Variants in MTMR2 observed in about 807,000 individuals in gnomAD.
MTMR2 encodes myotubularin related protein 2.
A neutral mutation model predicts 86.9 loss-of-function variants in MTMR2; 55 were observed. The ratio of observed to expected loss-of-function variants is 0.63; its 90% CI spans 0.51 to 0.79. MTMR2 has a LOEUF of 0.79. Among genes scored for constraint, MTMR2 ranks in the 30% least tolerant of loss-of-function variants. The pLI is 0.00. For missense variants in MTMR2, 659 were observed against 772.3 expected (o/e 0.85, Z 1.74); for synonymous variants, 241 against 266.8 (o/e 0.90, Z 0.94).
intron 10 of MTMR2, among the ~76,000 whole-genome samples, chr11:95,845,882 TAAAAAAAAAAA>T (rs201863810): frequency 1.1e-5 from 1 of 90,100 alleles, no homozygotes; most frequent in African/African-American, 5.2e-5. Flanking sequence ...TATGGTATCT[TAAAAAAAAAAA>T]AAAAAAAAAA....
At chr11:95,913,383 T>C (rs1209877183) in intron 1 of MTMR2, among the ~76,000 whole-genome samples, 1 of 152,144 alleles carries the variant, frequency 6.6e-6, no homozygotes, top group Non-Finnish European at 1.5e-5. Context: ...TTGGGGTAAA[T>C]TATTAGAGTT....
intron 2 of MTMR2, among the ~76,000 whole-genome samples, chr11:95,870,290 T>G (rs1014501460): frequency 6.6e-6 from 1 of 152,092 alleles, no homozygotes; most frequent in African/African-American, 2.4e-5. Flanking sequence ...GTTCAGAAAT[T>G]TTTATAATAA....
At chr11:95,852,891 C>T (rs1262027732) in intron 7 of MTMR2, among the ~76,000 whole-genome samples, 2 of 151,858 alleles carry the variant, frequency 1.3e-5, no homozygotes, top group Non-Finnish European at 2.9e-5. Flanking sequence ...AAAACTTAGC[C>T]AGAAATGGTG....
chr11:95,921,701 A>T (rs1302292321), intron 1 of MTMR2, among the ~76,000 whole-genome samples: 2 of 152,208 alleles, frequency 1.3e-5, no homozygotes, highest in Non-Finnish European at 2.9e-5. Context: ...AGTAGACATT[A>T]AGTAAATGTT....
intron 1 of MTMR2, among the ~76,000 whole-genome samples, chr11:95,917,281 T>C (rs1866743743): frequency 6.6e-6 from 1 of 152,214 alleles, no homozygotes; most frequent in Non-Finnish European, 1.5e-5. Context: ...ATCTGGAGAA[T>C]TTCCATTACT....
intron 5 of MTMR2, among the ~76,000 whole-genome samples, chr11:95,861,131 C>G (rs1244022724): frequency 2.2e-5 from 3 of 134,750 alleles, no homozygotes; most frequent in African/African-American, 8.5e-5. Context: ...GCCTGGGCAA[C>G]AGAGCGAGAC....
At chr11:95,923,535 G>A (rs1867011367) in intron 1 of MTMR2, among the ~76,000 whole-genome samples, 1 of 152,016 alleles carries the variant, frequency 6.6e-6, no homozygotes, top group Admixed American at 6.6e-5. Flanking sequence ...AGGAAATGTG[G>A]GGAAAAGAAT....
intron 5 of MTMR2, among the ~76,000 whole-genome samples, chr11:95,859,585 G>C (rs1210441201): frequency 6.6e-6 from 1 of 152,136 alleles, no homozygotes; most frequent in Non-Finnish European, 1.5e-5. Flanking sequence ...TAAATGCATT[G>C]ATTGATACTT....
At chr11:95,913,837 C>T (rs572136954) in intron 1 of MTMR2, among the ~76,000 whole-genome samples, 1 of 152,036 alleles carries the variant, frequency 6.6e-6, no homozygotes, top group African/African-American at 2.4e-5. Context: ...AAGAAACATA[C>T]AAAACAGTAG....
chr11:95,837,433 G>A (rs77664176), intron 13 of MTMR2, among the ~76,000 whole-genome samples: 119 of 152,100 alleles, frequency 7.8e-4, no homozygotes, highest in African/African-American at 2.7e-3. Flanking sequence ...AATAAAAGTT[G>A]ATGCAGAGGG....
chr11:95,847,357 C>T (rs560238311), intron 10 of MTMR2, among the ~76,000 whole-genome samples: 16 of 152,146 alleles, frequency 1.1e-4, no homozygotes, highest in South Asian at 4.2e-4. Flanking sequence ...ACAAAGTACA[C>T]GCTAGTTCCT....
In MTMR2 at chr11:95,847,743, C is replaced by T; in HGVS notation, c.1150G>A (p.Glu384Lys). 2 of 1,613,436 alleles carry T rather than the reference C, an allele frequency of 1.2e-6. No homozygotes were observed. The highest frequency in any genetic ancestry group is 1.7e-6 in the Non-Finnish European group (2 of 1,179,452). ...ATATGTTCTAGCCAATGAGTAGATTCCAAGTTAGACAACCAGTGGGTTTCC... is the reference window on the plus strand; with the variant it reads ...ATATGTTCTAGCCAATGAGTAGATTTCAAGTTAGACAACCAGTGGGTTTCC... ...IEETHWLSNL[E>K]STHWLEHIKL... is the part of the protein sequence containing the mutation. Residue 384 changes from glutamate (E) to lysine (K), a missense_variant, in exon 10 of 15, where the codon GAA (glutamate) becomes AAA (lysine). Physicochemically the swap from Glu to Lys is moderately conservative, Grantham distance 56 (BLOSUM62 1). Coordinates refer to ENST00000346299, the MANE Select transcript of MTMR2 (RefSeq NM_016156.6).
intron 12 of MTMR2, among the ~76,000 whole-genome samples, chr11:95,840,939 C>T (rs140798584): frequency 1.3e-5 from 2 of 152,200 alleles, no homozygotes; most frequent in East Asian, 1.9e-4. Context: ...AACAGGGTTT[C>T]GAGATGGTTT....
At chr11:95,841,551 A>G in intron 12 of MTMR2, 66 bp downstream of exon 12, 1 of 1,187,474 alleles carries the variant, frequency 8.4e-7, no homozygotes, top group Middle Eastern at 1.9e-4. Flanking sequence ...TCAGTGACCA[A>G]ATCTCCCCAC....
At chr11:95,850,242 G>T (rs1440429652) in intron 8 of MTMR2, among the ~76,000 whole-genome samples, 3 of 146,538 alleles carry the variant, frequency 2.0e-5, no homozygotes, top group Non-Finnish European at 4.6e-5. Context: ...CTAAGATCCA[G>T]TTATAAATCT....
chr11:95,897,201 C>A (rs566889615), intron 1 of MTMR2, among the ~76,000 whole-genome samples: 1 of 152,040 alleles, frequency 6.6e-6, no homozygotes, highest in East Asian at 1.9e-4. Flanking sequence ...AATCTTGGCC[C>A]CGATGATCTC....
intron 12 of MTMR2, among the ~76,000 whole-genome samples, chr11:95,840,780 A>C (rs1863511820): frequency 6.6e-6 from 1 of 152,148 alleles, no homozygotes; most frequent in African/African-American, 2.4e-5. Context: ...ATATGCTCCT[A>C]AATAAATATG....
intron 3 of MTMR2, among the ~76,000 whole-genome samples, chr11:95,864,754 T>C (rs1207114980): frequency 1.3e-5 from 2 of 152,180 alleles, no homozygotes; most frequent in Non-Finnish European, 2.9e-5. Context: ...ACTAGGAAGC[T>C]AAATTTAGTA....
Position 95,923,749 on chromosome 11 carries a change from C to T in MTMR2, c.80+126G>A, listed in dbSNP as rs1232853699. ...GGAGGCAGAAGTGGTTCCCAAGTCC[C>T]GGGGAAGGAATTCCGGCGTAGCCTT... On this transcript the variant is annotated intron_variant, in intron 1 of 14. Transcript: ENST00000346299. 3.4e-6 allele frequency: 5 copies of T among 1,479,378 alleles called. No individual in the cohort carries two copies. In the African/African-American group the frequency reaches 4.2e-5, roughly 12 times the overall value. The allele number at this position is 1,479,378 out of a possible 1,614,324, so 91.6% of individuals were successfully genotyped here. A position where few individuals can be genotyped will look rare whatever the true frequency, so the allele number is the denominator to read the frequency against.
Sources: gnomAD v4.1 joint callset for allele counts (sites outside exome capture counted in the v4.1 genomes callset) on GRCh38, gnomAD v4.1.1 for gene constraint, MANE v1.5 for transcripts, NCBI Gene and HGNC (gene_info 2026-07-23, HGNC 2026-07-21) for gene names.